The following PEX19 variants were observed in gnomAD, a reference collection of about 807,000 sequenced individuals.
PEX19 encodes the protein 33 kDa housekeeping protein.
A neutral mutation model predicts 36.3 loss-of-function variants in PEX19; 29 were observed. That is an observed-to-expected ratio of 0.80 (90% CI 0.60 to 1.09). The LOEUF (loss-of-function observed/expected upper bound fraction) is 1.09, where lower values mean the gene tolerates loss of function less well. Among genes scored for constraint, PEX19 ranks in the 50% least tolerant of loss-of-function variants. The pLI, the probability that PEX19 is intolerant of heterozygous loss-of-function variation, is 0.00. For synonymous variants in PEX19, 141 were observed against 135.2 expected (o/e 1.04, Z -0.30); for missense variants, 396 against 368.1 (o/e 1.08, Z -0.62).
chr1:160,277,600 G>C lies in PEX19; in HGVS notation c.*1951C>G. 1 of 454,150 alleles carries C rather than the reference G, an allele frequency of 2.2e-6. No individual in the cohort carries two copies. The highest frequency in any genetic ancestry group is 4.4e-6 in the Non-Finnish European group (1 of 226,828). 28.1% of individuals were successfully genotyped at this position (454,150 alleles called of 1,614,324 possible). A position where few individuals can be genotyped will look rare whatever the true frequency, so the allele number is the denominator to read the frequency against. On this transcript the variant is annotated 3_prime_UTR_variant, in exon 8 of 8. Coordinates refer to ENST00000368072, the MANE Select transcript of PEX19 (RefSeq NM_002857.4). ...AAATCAAAATAAAAATGAGTGCCTT[G>C]GGAACAAAGATAAAGTGGACTAGGG...
In PEX19 at chr1:160,279,114, A is replaced by G. The variant is rs1317361064; in HGVS notation, c.*437T>C. On this transcript the variant is annotated 3_prime_UTR_variant, in exon 8 of 8. Transcript: ENST00000368072. ...TCTCCCCATTCTCAAAGGCTCTGCC[A>G]GGAGAACTATAGAAATACAGAGTCC... 2 of 453,726 alleles carry G rather than the reference A, an allele frequency of 4.4e-6. No homozygotes were observed. The highest frequency in any genetic ancestry group is 8.8e-6 in the Non-Finnish European group (2 of 226,832). 28.1% of individuals were successfully genotyped at this position (453,726 alleles called of 1,614,324 possible). A position where few individuals can be genotyped will look rare whatever the true frequency, so the allele number is the denominator to read the frequency against.
In PEX19 at chr1:160,277,941, C is replaced by G. The variant is rs1328671423; in HGVS notation, c.*1610G>C. On this transcript the variant is annotated 3_prime_UTR_variant, in exon 8 of 8. Coordinates refer to ENST00000368072, the MANE Select transcript of PEX19 (RefSeq NM_002857.4). ...TTGGAATTTCCCAAATAGCCTGAGA[C>G]CTTGAGAACATTTCCTTCCTCACCA... 1 of 692,676 alleles carries G rather than the reference C, an allele frequency of 1.4e-6. No individual in the cohort carries two copies. Among genetic ancestry groups the G allele is most frequent in the Non-Finnish European group, 2.6e-6 (1 of 380,510 alleles). The allele number at this position is 692,676 out of a possible 1,614,324, so 42.9% of individuals were successfully genotyped here.
chr1:160,281,684 GCA>G (rs1657777332), intron 5 of PEX19, among the ~76,000 whole-genome samples: 1 of 152,226 alleles, frequency 6.6e-6, no homozygotes, highest in Non-Finnish European at 1.5e-5. Flanking sequence ...GGGATTACAG[GCA>G]TGAGCCACCA....
chr1:160,282,973 T>A lies in PEX19; in HGVS notation c.317A>T (p.Gln106Leu). The change falls in exon 3 of 8, where the codon CAA becomes CTA. Residue 106 changes from glutamine to leucine, a missense_variant. By Grantham distance (113) the Gln-to-Leu change is moderately radical (BLOSUM62 -2). Coordinates refer to ENST00000368072, the MANE Select transcript of PEX19 (RefSeq NM_002857.4). ...TCTCCCTGCAGCCTCTGAGAGCTTT[T>A]GGAACTGCTCCACCAGGTGGGGTTC... ...EEEPHLVEQF[Q>L]KLSEAAGRVG... 1.9e-6 allele frequency: 3 copies of A among 1,614,226 alleles called. No individual in the cohort carries two copies. The South Asian group carries it at 3.3e-5, about 18-fold the overall frequency.
chr1:160,278,348 T>A lies in PEX19; in HGVS notation c.*1203A>T. 1 of 687,340 alleles carries A rather than the reference T, an allele frequency of 1.5e-6. No individual in the cohort carries two copies. Among genetic ancestry groups the A allele is most frequent in the South Asian group, 1.5e-5 (1 of 66,574 alleles). The allele number at this position is 687,340 out of a possible 1,614,324, so 42.6% of individuals were successfully genotyped here. On this transcript the variant is annotated 3_prime_UTR_variant, in exon 8 of 8. Coordinates refer to ENST00000368072, the MANE Select transcript of PEX19 (RefSeq NM_002857.4). The stretch of plus-strand genomic sequence containing the variant: ...TGGCCATCCAGTCTCCTTTGCCAAC[T>A]GAGGTGCAGACTGAGTTGTGGAAGG...
intron 1 of PEX19, among the ~76,000 whole-genome samples, chr1:160,284,487 C>T (rs1380222916): frequency 6.6e-6 from 1 of 152,158 alleles, no homozygotes; most frequent in East Asian, 1.9e-4. Context: ...CTGCTTTCCC[C>T]TGAAATCGCC....
chr1:160,282,354 A>G, intron 4 of PEX19, 63 bp downstream of exon 4: 1 of 1,458,214 alleles, frequency 6.9e-7, no homozygotes, highest in Non-Finnish European at 9.6e-7. Flanking sequence ...CTGTCTTTTG[A>G]GACTCTGCTG....
At position 160,277,168 on chromosome 1, in the gene PEX19, G is replaced by C. The variant is rs369641116; in HGVS notation, c.*2383C>G. On this transcript the variant is annotated 3_prime_UTR_variant, in exon 8 of 8. Coordinates refer to ENST00000368072, the MANE Select transcript of PEX19 (RefSeq NM_002857.4). ...CCCCAAAACAGTGCTACTCAAAGAT[G>C]ATCTGCAGACTTGTGCTGGTCAGTG... 7.9e-5 allele frequency: 36 copies of C among 455,134 alleles called. No homozygotes were observed. Among genetic ancestry groups the C allele is most frequent in the Non-Finnish European group, 1.4e-4 (31 of 226,770 alleles). 28.2% of individuals were successfully genotyped at this position (455,134 alleles called of 1,614,324 possible).
Position 160,279,418 on chromosome 1 carries a change from A to G in PEX19, c.*133T>C. The stretch of plus-strand genomic sequence containing the variant: ...GAAAAACCTCAGCTGGTATGGCACA[A>G]TCTTGAATGGGATGACAGAGGGCAG... On this transcript the variant is annotated 3_prime_UTR_variant, in exon 8 of 8. Transcript: ENST00000368072. 1.3e-6 allele frequency: 1 copy of G among 792,090 alleles called. No homozygotes were observed. The highest frequency in any genetic ancestry group is 1.7e-5 in the African/African-American group (1 of 59,478). 49.1% of individuals were successfully genotyped at this position (792,090 alleles called of 1,614,324 possible).
chr1:160,282,070 A>G lies in PEX19; in HGVS notation c.563T>C (p.Leu188Pro). ...TGTGATCTCCTTCAGTGATGGGTACAGCACATCCTTGGAGAGTAGGTTCTG... is the reference window on the plus strand; with the variant it reads ...TGTGATCTCCTTCAGTGATGGGTACGGCACATCCTTGGAGAGTAGGTTCTG... ...IMQNLLSKDV[L>P]YPSLKEITEK... is the part of the protein sequence containing the mutation. Residue 188 changes from leucine to proline, a missense_variant, in exon 5 of 8, where the codon CTG becomes CCG. Coordinates refer to ENST00000368072, the MANE Select transcript of PEX19 (RefSeq NM_002857.4). 6.2e-7 allele frequency: 1 copy of G among 1,614,114 alleles called. No individual in the cohort carries two copies. The highest frequency in any genetic ancestry group is 8.5e-7 in the Non-Finnish European group (1 of 1,179,946).
chr1:160,282,375 T>C, intron 4 of PEX19, 42 bp downstream of exon 4: 1 of 1,507,734 alleles, frequency 6.6e-7, no homozygotes. Context: ...GAGAAATGTC[T>C]GGGAGTGGAC....
intron 1 of PEX19, among the ~76,000 whole-genome samples, 195 bp downstream of exon 1, chr1:160,284,860 G>A (rs752542216): frequency 3.3e-5 from 5 of 152,192 alleles, no homozygotes; most frequent in Non-Finnish European, 5.9e-5. Context: ...CCCCAGGTGA[G>A]CTCCCCAGCT....
rs766423323 is a variant in PEX19, at chr1:160,282,158, C to T, written c.475G>A (p.Gly159Arg). 3 of 1,614,130 alleles carry T rather than the reference C, an allele frequency of 1.9e-6. No individual in the cohort carries two copies. The highest frequency in any genetic ancestry group is 2.5e-6 in the Non-Finnish European group (3 of 1,180,018). Residue 159 changes from glycine (G) to arginine (R), a missense_variant, in exon 5 of 8, where the codon GGG becomes AGG. Transcript: ENST00000368072. The part of the protein sequence containing the change: ...SEEELTKAME[G>R]LGMDEGDGEG... ...CCATCCCCTTCGTCCATGCCTAGCC[C>T]CTCCATGGCCTTGGTCAGCTCTTCT...
intron 2 of PEX19, 142 bp from the exon 3 acceptor site, chr1:160,283,251 A>G: frequency 2.1e-6 from 2 of 953,108 alleles, no homozygotes. Context: ...TACTGCTCCT[A>G]ATGAGGATAG....
At chr1:160,283,186 C>T in intron 2 of PEX19, 77 bp from the exon 3 acceptor site, 1 of 1,513,502 alleles carries the variant, frequency 6.6e-7, no homozygotes, top group African/African-American at 1.4e-5. Flanking sequence ...AAGCCACAGG[C>T]AGTGGCTATG....
Position 160,278,500 on chromosome 1 carries a change from T to C in PEX19, c.*1051A>G, listed in dbSNP as rs771244355. The stretch of plus-strand genomic sequence containing the variant: ...CACACTCCTCACTCAGAATATTTAT[T>C]ATATTCTGCCCCATGGGGCCTTGCA... On this transcript the variant is annotated 3_prime_UTR_variant, in exon 8 of 8. Coordinates refer to ENST00000368072, the MANE Select transcript of PEX19 (RefSeq NM_002857.4). The C allele has an allele frequency of 2.0e-6, 1 of 496,598 alleles. No individual in the cohort carries two copies. Among genetic ancestry groups the C allele is most frequent in the Admixed American group, 2.3e-5 (1 of 43,894 alleles). 30.8% of individuals were successfully genotyped at this position (496,598 alleles called of 1,614,324 possible).
In PEX19 at chr1:160,278,671, G is replaced by A. The variant is rs896505365; in HGVS notation, c.*880C>T. The A allele has an allele frequency of 2.4e-5, 11 of 454,056 alleles. No individual in the cohort carries two copies. Among genetic ancestry groups the A allele is most frequent in the African/African-American group, 2.2e-4 (11 of 49,990 alleles). The allele number at this position is 454,056 out of a possible 1,614,324, so 28.1% of individuals were successfully genotyped here. ...CCATTAATTTCCTAGACCTGACACTGGGTTTATTTGTGTCTGCCAGGAAGA... is the reference window on the plus strand; with the variant it reads ...CCATTAATTTCCTAGACCTGACACTAGGTTTATTTGTGTCTGCCAGGAAGA... On this transcript the variant is annotated 3_prime_UTR_variant, in exon 8 of 8. Transcript: ENST00000368072.
At chr1:160,282,912 C>A in intron 3 of PEX19, 32 bp downstream of exon 3, 1 of 1,608,816 alleles carries the variant, frequency 6.2e-7, no homozygotes, top group Non-Finnish European at 8.5e-7. Flanking sequence ...AGAGTCTGTT[C>A]AGATATTTCC....
chr1:160,285,145 G>A (rs770441904), upstream of PEX19: 2 of 1,600,878 alleles, frequency 1.2e-6, no homozygotes, highest in South Asian at 2.2e-5. Flanking sequence ...CCGACTTGCC[G>A]TAGGAGGCGG....
Sources: allele counts gnomAD v4.1 joint callset (sites outside exome capture counted in the v4.1 genomes callset), GRCh38; gene constraint gnomAD v4.1.1; transcripts MANE v1.5; gene names NCBI Gene and HGNC (gene_info 2026-07-23, HGNC 2026-07-21).